TTLL5: variants seen among roughly 807,000 people sequenced by gnomAD.
The protein encoded by TTLL5 is tubulin tyrosine ligase like 5, also known as tubulin polyglutamylase TTLL5.
A neutral mutation model predicts 168.4 loss-of-function variants in TTLL5; 132 were observed. That is an observed-to-expected ratio of 0.78 (90% CI 0.68 to 0.91). TTLL5 has a LOEUF of 0.91. Among genes scored for constraint, TTLL5 ranks in the 40% least tolerant of loss-of-function variants. The pLI, the probability that TTLL5 is intolerant of heterozygous loss-of-function variation, is 0.00. For synonymous variants in TTLL5, 546 were observed against 558.6 expected (o/e 0.98, Z 0.32); for missense variants, 1,545 against 1,581.5 (o/e 0.98, Z 0.39).
At chr14:75,822,442 T>A (rs755837359) in intron 28 of TTLL5, among the ~76,000 whole-genome samples, 1 of 152,210 alleles carries the variant, frequency 6.6e-6, no homozygotes, top group Non-Finnish European at 1.5e-5. Flanking sequence ...TAAAAGTTAC[T>A]CTCAATAGTT....
intron 28 of TTLL5, among the ~76,000 whole-genome samples, chr14:75,833,300 C>T (rs916201338): frequency 1.3e-5 from 2 of 152,232 alleles, no homozygotes; most frequent in African/African-American, 4.8e-5. Context: ...TCTTCACCCT[C>T]CTGTCACCCA....
intron 29 of TTLL5, among the ~76,000 whole-genome samples, chr14:75,875,790 T>A (rs1229300991): frequency 6.6e-6 from 1 of 152,206 alleles, no homozygotes; most frequent in East Asian, 1.9e-4. Context: ...GATTCCGTGT[T>A]TTGTCAGCAC....
At position 75,918,240 on chromosome 14, in the gene TTLL5, A is replaced by G. The variant is rs372936391; in HGVS notation, c.3823+16016A>G. On this transcript the variant is annotated intron_variant, in intron 31 of 31. Transcript: ENST00000298832. The stretch of plus-strand genomic sequence containing the variant: ...CCCTTGCCTACTTCTCCTTAGCAAC[A>G]GAGGTGTCTAGAGAGGTGGTCTTTT... Among the ~76,000 whole-genome samples the G allele has an allele frequency of 1.4e-3, 206 of 152,314 alleles. 4 individuals carry two copies. The South Asian group carries it at 0.026, about 19-fold the overall frequency.
In TTLL5 at chr14:75,863,740, G is replaced by C; in HGVS notation, c.3400G>C (p.Val1134Leu). ...CGTGTACAGCCAGGCTACAGGGGTG[G>C]TCCCCCAGCACAAGTATCACCCCAC... ...NNVYSQATGV[V>L]PQHKYHPTAG... The change falls in exon 29 of 32, where the codon GTC becomes CTC. Residue 1134 changes from valine (V) to leucine (L), a missense_variant. Coordinates refer to ENST00000298832, the MANE Select transcript of TTLL5 (RefSeq NM_015072.5). The C allele has an allele frequency of 6.2e-7, 1 of 1,613,436 alleles. No homozygotes were observed. The highest frequency in any genetic ancestry group is 8.5e-7 in the Non-Finnish European group (1 of 1,179,830).
chr14:75,663,265 C>A, intron 2 of TTLL5, 42 bp downstream of exon 2: 1 of 1,553,682 alleles, frequency 6.4e-7, no homozygotes, highest in Non-Finnish European at 8.8e-7. Context: ...GCTTTGTACT[C>A]TTTCACTTAT....
rs867999134 is a variant in TTLL5 at position 75,853,455 on chromosome 14, A to T, written c.3327-10212A>T. 3.9e-5 allele frequency among the ~76,000 whole-genome samples: 6 copies of T among 152,312 alleles called. No individual in the cohort carries two copies. In the Middle Eastern group the frequency reaches 0.01, roughly 259 times the overall value. ...CTGCTCTAGGTCATGAGCTTTTAAA[A>T]AGCAGGAACTATGTGTTTTTCTTCT... On this transcript the variant is annotated intron_variant, in intron 28 of 31. Transcript: ENST00000298832.
intron 17 of TTLL5, among the ~76,000 whole-genome samples, chr14:75,746,852 C>A (rs942086403): frequency 2.0e-5 from 3 of 152,128 alleles, no homozygotes; most frequent in Non-Finnish European, 4.4e-5. Context: ...GCGTGAGACA[C>A]CGTGCTTGGT....
chr14:75,704,250 C>G (rs946881527), intron 7 of TTLL5, among the ~76,000 whole-genome samples: 2 of 152,114 alleles, frequency 1.3e-5, no homozygotes, highest in Non-Finnish European at 2.9e-5. Flanking sequence ...TAGAAAGATA[C>G]CTTTCCAGCC....
chr14:75,854,932 A>G (rs1897053164), intron 28 of TTLL5, among the ~76,000 whole-genome samples: 1 of 152,152 alleles, frequency 6.6e-6, no homozygotes, highest in Non-Finnish European at 1.5e-5. Flanking sequence ...CCTATATTGC[A>G]GATATTTTTC....
At chr14:75,740,353 C>T (rs954490967) in intron 15 of TTLL5, among the ~76,000 whole-genome samples, 4 of 152,174 alleles carry the variant, frequency 2.6e-5, no homozygotes, top group Non-Finnish European at 4.4e-5. Flanking sequence ...ACTAGGGATT[C>T]GAGTTAGGTT....
At chr14:75,720,835 A>G (rs1382525954) in intron 12 of TTLL5, 132 bp downstream of exon 12, 6 of 743,604 alleles carry the variant, frequency 8.1e-6, no homozygotes, top group Admixed American at 4.5e-5. Flanking sequence ...TTCTAAGCTC[A>G]TGTAGCATAT....
At position 75,929,576 on chromosome 14, in the gene TTLL5, C is replaced by T. The variant is rs186043793; in HGVS notation, c.3824-24848C>T. On this transcript the variant is annotated intron_variant, in intron 31 of 31. Transcript: ENST00000298832. ...AAGCAATTCTCTCTGCCTCAGCCGC[C>T]CAAGTAGCTGGGATTACAGGTGCCC... Among the ~76,000 whole-genome samples, 9 of 151,874 alleles carry T rather than the reference C, an allele frequency of 5.9e-5. No homozygotes were observed. In the East Asian group the frequency reaches 1.6e-3, roughly 26 times the overall value.
At chr14:75,859,570 C>T (rs766028883) in intron 28 of TTLL5, among the ~76,000 whole-genome samples, 4 of 152,042 alleles carry the variant, frequency 2.6e-5, no homozygotes, top group Admixed American at 1.3e-4. Flanking sequence ...AAGATATTTA[C>T]GGGGCCTGTG....
chr14:75,943,895 A>G (rs1270599814), intron 31 of TTLL5, among the ~76,000 whole-genome samples: 3 of 152,220 alleles, frequency 2.0e-5, no homozygotes, highest in Non-Finnish European at 4.4e-5. Context: ...GGAAAATAAT[A>G]ATAATTAAAG....
At chr14:75,858,941 C>T (rs1030039836) in intron 28 of TTLL5, among the ~76,000 whole-genome samples, 4 of 152,158 alleles carry the variant, frequency 2.6e-5, no homozygotes, top group African/African-American at 7.2e-5. Flanking sequence ...CCCTGACCTC[C>T]GCCAATTAAA....
intron 17 of TTLL5, among the ~76,000 whole-genome samples, 172 bp from the exon 18 acceptor site, chr14:75,752,721 C>T (rs548656262): frequency 2.0e-5 from 3 of 152,104 alleles, no homozygotes; most frequent in South Asian, 2.1e-4. Flanking sequence ...TAGTATCTTA[C>T]GATTTAAATT....
chr14:75,870,253 T>G (rs2030913624), intron 29 of TTLL5, among the ~76,000 whole-genome samples: 1 of 145,328 alleles, frequency 6.9e-6, no homozygotes, highest in Non-Finnish European at 1.5e-5. Context: ...GTCATCCCAA[T>G]TACCTCAATC....
chr14:75,717,906 C>A lies in TTLL5; in HGVS notation c.786C>A (p.Asn262Lys). 1 of 1,613,842 alleles carries A rather than the reference C, an allele frequency of 6.2e-7. No individual in the cohort carries two copies. The stretch of plus-strand genomic sequence containing the variant: ...ATCAAGGAGCCAAGAACATTCGGAA[C>A]CAGTTCATGCATCTGACAAACTACA... Reference protein sequence around the residue: ...RYDQGAKNIRNQFMHLTNYSV... With the variant: ...RYDQGAKNIRKQFMHLTNYSV... The change falls in exon 10 of 32, where the codon AAC becomes AAA. Residue 262 changes from asparagine (N) to lysine (K), a missense_variant. By Grantham distance (94) the Asn-to-Lys change is moderately conservative. Coordinates refer to ENST00000298832, the MANE Select transcript of TTLL5 (RefSeq NM_015072.5).
chr14:75,695,473 A>G (rs1046943239), intron 6 of TTLL5, among the ~76,000 whole-genome samples: 9 of 152,264 alleles, frequency 5.9e-5, no homozygotes, highest in South Asian at 2.1e-4. Context: ...CTTGGGAAGC[A>G]TGTGATCTCT....
Sources: allele counts gnomAD v4.1 joint callset (sites outside exome capture counted in the v4.1 genomes callset), GRCh38; gene constraint gnomAD v4.1.1; transcripts MANE v1.5; gene names NCBI Gene and HGNC (gene_info 2026-07-23, HGNC 2026-07-21).